GLRA2: variants seen among roughly 807,000 people sequenced by gnomAD.
The protein encoded by GLRA2 is glycine receptor subunit alpha-2.
In GLRA2, 11 loss-of-function variants were observed where a neutral mutation model predicts 31.6. That is an observed-to-expected ratio of 0.35 (90% CI 0.22 to 0.58). GLRA2 has a LOEUF of 0.58. Among genes scored for constraint, GLRA2 ranks in the 20% least tolerant of loss-of-function variants. The probability of loss-of-function intolerance (pLI) is 0.84; values close to 1 mark genes in which losing one functional copy is unlikely to be tolerated. For synonymous variants in GLRA2, 132 were observed against 134.0 expected (o/e 0.99, Z 0.10); for missense variants, 212 against 351.8 (o/e 0.60, Z 3.18).
At chrX:14,583,928 G>A (rs999459690) in intron 4 of GLRA2, among the ~76,000 whole-genome samples, 2 of 111,493 alleles carry the variant, frequency 1.8e-5, no homozygotes, top group African/African-American at 3.3e-5. Context: ...GTATAGAATA[G>A]TACAGTACTG....
the GLRA2 span, among the ~76,000 whole-genome samples, chrX:14,518,885 G>A: frequency 2.8e-5 from 3 of 105,956 alleles, no homozygotes; most frequent in East Asian, 3.0e-4. Flanking sequence ...GGTGGTGGGT[G>A]CCTGTAGTCC....
intron 7 of GLRA2, among the ~76,000 whole-genome samples, chrX:14,623,663 G>A (rs1013270603): frequency 4.3e-4 from 48 of 111,526 alleles, no homozygotes; most frequent in Admixed American, 1.7e-3. Context: ...ATCGATTTGC[G>A]TATGTTGAAC....
intron 4 of GLRA2, among the ~76,000 whole-genome samples, chrX:14,589,032 T>A (rs1427405698): frequency 4.5e-5 from 5 of 111,630 alleles, no homozygotes; most frequent in African/African-American, 1.6e-4. Flanking sequence ...AGAGAAATAG[T>A]TTCAGTTCCT....
At chrX:14,600,719 G>A (rs1037411526) in intron 4 of GLRA2, among the ~76,000 whole-genome samples, 5 of 110,340 alleles carry the variant, frequency 4.5e-5, no homozygotes, top group Admixed American at 3.9e-4. Context: ...TAGCAATTCT[G>A]AAATATACAA....
chrX:14,481,504 C>T, the GLRA2 span, among the ~76,000 whole-genome samples: 1 of 111,300 alleles, frequency 9.0e-6, no homozygotes, highest in East Asian at 2.8e-4. Context: ...TCCAGCTGCC[C>T]ATTCTCTTGA....
chrX:14,490,310 G>C, the GLRA2 span, among the ~76,000 whole-genome samples: 1 of 112,086 alleles, frequency 8.9e-6, no homozygotes, highest in Admixed American at 9.4e-5. Flanking sequence ...AGTGGGCTTG[G>C]GGGAGTGTGT....
intron 5 of GLRA2, among the ~76,000 whole-genome samples, chrX:14,605,272 A>G (rs1398430748): frequency 8.9e-6 from 1 of 111,814 alleles, no homozygotes; most frequent in East Asian, 2.8e-4. Context: ...ATGTAAAAAG[A>G]CTTATCTATT....
At chrX:14,478,427 AAGT>A in the GLRA2 span, among the ~76,000 whole-genome samples, 2 of 111,947 alleles carry the variant, frequency 1.8e-5, no homozygotes, top group Non-Finnish European at 3.8e-5. Flanking sequence ...GATATGGTTG[AAGT>A]AGTCCAATTC....
At chrX:14,499,527 C>T in the GLRA2 span, among the ~76,000 whole-genome samples, 151 of 111,485 alleles carry the variant, frequency 1.4e-3, no homozygotes, top group African/African-American at 4.6e-3. Flanking sequence ...ACTACACACC[C>T]ATAAAATAAT....
intron 2 of GLRA2, among the ~76,000 whole-genome samples, chrX:14,560,308 T>C (rs929813932): frequency 8.9e-6 from 1 of 112,255 alleles, no homozygotes; most frequent in Non-Finnish European, 1.9e-5. Context: ...CTTTTTTCTA[T>C]TTGTGACAAG....
At chrX:14,693,538 A>G (rs1420663901) in intron 8 of GLRA2, among the ~76,000 whole-genome samples, 1 of 112,101 alleles carries the variant, frequency 8.9e-6, no homozygotes, top group Non-Finnish European at 1.9e-5. Flanking sequence ...ATTGTAATAT[A>G]CCTCTCAGCA....
intron 6 of GLRA2, 85 bp from the exon 7 acceptor site, chrX:14,608,906 T>C: frequency 2.0e-6 from 1 of 499,149 alleles, no homozygotes; most frequent in Non-Finnish European, 3.4e-6. Context: ...TAGTCTTTTT[T>C]TTTTTTTTTT....
intron 5 of GLRA2, among the ~76,000 whole-genome samples, chrX:14,605,873 T>G (rs2090327955): frequency 9.0e-6 from 1 of 110,961 alleles, no homozygotes; most frequent in Non-Finnish European, 1.9e-5. Context: ...GACAAGAACG[T>G]GGGGTATTTT....
intron 7 of GLRA2, among the ~76,000 whole-genome samples, chrX:14,682,551 C>CT (rs762722354): frequency 0.011 from 1,122 of 105,281 alleles, 18 homozygotes; most frequent in African/African-American, 0.036. Flanking sequence ...ATTTTAAAAT[C>CT]TTTTTTTTTT....
rs1231807863 is a variant in GLRA2, at chrX:14,713,199, T to C, written c.1081-17008T>C. On this transcript the variant is annotated intron_variant, in intron 8 of 8. Transcript: ENST00000218075. ...ATGTGATTTGTCACTGATGCTGTTA[T>C]TATTGTTTTGAGTTTAGTAGTGGGT... is the stretch of plus-strand genomic sequence containing the variant. Among the ~76,000 whole-genome samples, 7 of 112,251 alleles carry C rather than the reference T, an allele frequency of 6.2e-5. No homozygotes were observed. The East Asian group carries it at 2.0e-3, about 32-fold the overall frequency.
At chrX:14,700,867 A>T (rs2091531070) in intron 8 of GLRA2, among the ~76,000 whole-genome samples, 1 of 109,992 alleles carries the variant, frequency 9.1e-6, no homozygotes, top group African/African-American at 3.3e-5. Context: ...AGAGTTGTTT[A>T]TAGAGAGAAT....
chrX:14,729,922 T>C (rs2091971995), intron 8 of GLRA2, among the ~76,000 whole-genome samples: 1 of 112,028 alleles, frequency 8.9e-6, no homozygotes, highest in Non-Finnish European at 1.9e-5. Context: ...AAACTAGATT[T>C]TGGGAAAGTC....
chrX:14,724,047 A>C (rs1314091967), intron 8 of GLRA2, among the ~76,000 whole-genome samples: 2 of 108,659 alleles, frequency 1.8e-5, no homozygotes, highest in Non-Finnish European at 3.8e-5. Context: ...AATCTAAAAC[A>C]CTCCCTTCTA....
intron 7 of GLRA2, among the ~76,000 whole-genome samples, chrX:14,674,533 T>C (rs1260306484): frequency 9.0e-6 from 1 of 111,454 alleles, no homozygotes; most frequent in Non-Finnish European, 1.9e-5. Context: ...AAGTATCTTA[T>C]TCAATCCTTC....
Sources: allele counts gnomAD v4.1 joint callset (sites outside exome capture counted in the v4.1 genomes callset), GRCh38; gene constraint gnomAD v4.1.1; transcripts MANE v1.5; gene names NCBI Gene and HGNC (gene_info 2026-07-23, HGNC 2026-07-21).